The following GTF2F2 variants were observed in gnomAD, a reference collection of about 807,000 sequenced individuals.
GTF2F2 encodes the protein general transcription factor IIF subunit 2, also known as ATP-dependent helicase GTF2F2.
Under a neutral mutation model 42.2 loss-of-function variants are expected in GTF2F2, and 23 were observed. The observed-to-expected ratio is 0.55, with a 90% confidence interval of 0.39 to 0.77. The LOEUF (loss-of-function observed/expected upper bound fraction) is 0.77, where lower values mean the gene tolerates loss of function less well. Among genes scored for constraint, GTF2F2 ranks in the 30% least tolerant of loss-of-function variants. The probability of loss-of-function intolerance (pLI) is 0.00; values close to 1 mark genes in which losing one functional copy is unlikely to be tolerated. For synonymous variants in GTF2F2, 105 were observed against 100.8 expected (o/e 1.04, Z -0.25); for missense variants, 261 against 287.2 (o/e 0.91, Z 0.66).
intron 4 of GTF2F2, among the ~76,000 whole-genome samples, chr13:45,185,440 A>G (rs1404318507): frequency 1.3e-5 from 2 of 152,210 alleles, no homozygotes; most frequent in Non-Finnish European, 2.9e-5. Flanking sequence ...ACTTATACAT[A>G]TTGTAAGCAC....
chr13:45,275,466 C>T (rs1003193662), intron 7 of GTF2F2, among the ~76,000 whole-genome samples: 3 of 120,580 alleles, frequency 2.5e-5, no homozygotes, highest in African/African-American at 9.4e-5. Context: ...CCCCACCCCA[C>T]GACAGGCCCT....
At chr13:45,163,228 A>G (rs535419530) in intron 4 of GTF2F2, among the ~76,000 whole-genome samples, 1 of 152,272 alleles carries the variant, frequency 6.6e-6, no homozygotes, top group East Asian at 1.9e-4. Context: ...CCAGTTTATA[A>G]AGTCGGTTCT....
intron 5 of GTF2F2, among the ~76,000 whole-genome samples, chr13:45,212,663 T>G (rs978375571): frequency 5.9e-5 from 9 of 151,872 alleles, no homozygotes; most frequent in Non-Finnish European, 8.8e-5. Context: ...CCTCCCAGGT[T>G]CAAACGATTC....
intron 4 of GTF2F2, among the ~76,000 whole-genome samples, chr13:45,189,519 A>G (rs991955840): frequency 1.3e-5 from 2 of 152,236 alleles, no homozygotes; most frequent in Admixed American, 6.5e-5. Flanking sequence ...ATGCCCACCA[A>G]CAGTGTAAAA....
At position 45,121,764 on chromosome 13, in the gene GTF2F2, A is replaced by G. The variant is rs1868644521; in HGVS notation, c.66+1043A>G. On this transcript the variant is annotated intron_variant, in intron 1 of 7. Coordinates refer to ENST00000340473, the MANE Select transcript of GTF2F2 (RefSeq NM_004128.3). ...TTACTCAACAAATAGATGATGAATA[A>G]ATGCATGACCTCTCATTCTTCAGCC... 2.0e-5 allele frequency among the ~76,000 whole-genome samples: 3 copies of G among 152,184 alleles called. 1 individual carries two copies. The highest frequency in any genetic ancestry group is 4.1e-4 in the South Asian group (2 of 4,826).
At chr13:45,214,638 T>A (rs527767032) in intron 5 of GTF2F2, among the ~76,000 whole-genome samples, 1 of 152,182 alleles carries the variant, frequency 6.6e-6, no homozygotes, top group Non-Finnish European at 1.5e-5. Context: ...AAAAATTACT[T>A]TGAATTGGTA....
chr13:45,278,571 G>C (rs1463641590), intron 7 of GTF2F2, among the ~76,000 whole-genome samples: 2 of 152,126 alleles, frequency 1.3e-5, no homozygotes, highest in Admixed American at 6.6e-5. Flanking sequence ...TTCAAATACA[G>C]GTGGTTAGAC....
chr13:45,260,303 T>A (rs933627008), intron 6 of GTF2F2, among the ~76,000 whole-genome samples: 11 of 152,226 alleles, frequency 7.2e-5, no homozygotes, highest in Non-Finnish European at 1.5e-5. Flanking sequence ...TTCAGTAATA[T>A]TTGCCTGTTA....
chr13:45,259,203 G>C (rs1260307349), intron 6 of GTF2F2, among the ~76,000 whole-genome samples: 1 of 152,120 alleles, frequency 6.6e-6, no homozygotes, highest in African/African-American at 2.4e-5. Context: ...AAGGCAGGTG[G>C]ATTACCTGAG....
At chr13:45,155,319 A>G (rs528266773) in intron 4 of GTF2F2, among the ~76,000 whole-genome samples, 134 of 152,324 alleles carry the variant, frequency 8.8e-4, no homozygotes, top group African/African-American at 3.0e-3. Flanking sequence ...TACATTTTCT[A>G]TCAAGTATAG....
At chr13:45,208,380 T>C (rs981972734) in intron 5 of GTF2F2, among the ~76,000 whole-genome samples, 10 of 152,132 alleles carry the variant, frequency 6.6e-5, no homozygotes, top group Non-Finnish European at 2.9e-5. Flanking sequence ...CCTGAGGAAA[T>C]ATATTATACC....
chr13:45,141,274 G>A (rs900565173), intron 2 of GTF2F2, among the ~76,000 whole-genome samples: 3 of 152,276 alleles, frequency 2.0e-5, no homozygotes, highest in East Asian at 3.9e-4. Flanking sequence ...AAGATAGCAT[G>A]CTAAATAAGC....
At chr13:45,169,672 A>T (rs1010383400) in intron 4 of GTF2F2, among the ~76,000 whole-genome samples, 1 of 152,218 alleles carries the variant, frequency 6.6e-6, no homozygotes, top group Non-Finnish European at 1.5e-5. Flanking sequence ...AACAGCACAA[A>T]TCATAAGTTT....
At chr13:45,138,918 T>A (rs1869774267) in intron 2 of GTF2F2, among the ~76,000 whole-genome samples, 1 of 152,216 alleles carries the variant, frequency 6.6e-6, no homozygotes, top group African/African-American at 2.4e-5. Flanking sequence ...AGTGCTGGGA[T>A]TACAGGCGGT....
At chr13:45,236,296 C>T (rs1422350391) in intron 5 of GTF2F2, among the ~76,000 whole-genome samples, 2 of 152,068 alleles carry the variant, frequency 1.3e-5, no homozygotes, top group Non-Finnish European at 2.9e-5. Flanking sequence ...GAATGACTTA[C>T]TTATCTAAAT....
At chr13:45,173,984 C>T (rs1871735912) in intron 4 of GTF2F2, among the ~76,000 whole-genome samples, 1 of 152,012 alleles carries the variant, frequency 6.6e-6, no homozygotes, top group African/African-American at 2.4e-5. Flanking sequence ...ATGCTTTTTT[C>T]ACTCAGCATA....
At chr13:45,193,680 T>C (rs529145408) in intron 4 of GTF2F2, 2 of 975,382 alleles carry the variant, frequency 2.1e-6, no homozygotes, top group South Asian at 1.7e-5. Context: ...GTAGCAGGGC[T>C]CTGTAGTACA....
chr13:45,224,526 A>G (rs1208744869), intron 5 of GTF2F2, among the ~76,000 whole-genome samples: 1 of 152,148 alleles, frequency 6.6e-6, no homozygotes, highest in African/African-American at 2.4e-5. Context: ...GGCAGATGTC[A>G]TTGCATTTAA....
intron 1 of GTF2F2, among the ~76,000 whole-genome samples, chr13:45,127,130 TAG>T (rs1869050395): frequency 1.3e-5 from 2 of 152,162 alleles, no homozygotes; most frequent in African/African-American, 4.8e-5. Flanking sequence ...GTTCGTGGTG[TAG>T]AGAGTTATAT....
Sources: gnomAD v4.1 joint callset for allele counts (sites outside exome capture counted in the v4.1 genomes callset) on GRCh38, gnomAD v4.1.1 for gene constraint, MANE v1.5 for transcripts, NCBI Gene and HGNC (gene_info 2026-07-23, HGNC 2026-07-21) for gene names.